Variants in TTC27 observed in about 807,000 individuals in gnomAD.
TTC27 encodes tetratricopeptide repeat domain 27.
In TTC27, 79 loss-of-function variants were observed where a neutral mutation model predicts 115.9. The ratio of observed to expected loss-of-function variants is 0.68; its 90% CI spans 0.57 to 0.82. TTC27 has a LOEUF of 0.82. Among genes scored for constraint, TTC27 ranks in the 40% least tolerant of loss-of-function variants. The pLI, the probability that TTC27 is intolerant of heterozygous loss-of-function variation, is 0.00. For missense variants in TTC27, 1,054 were observed against 993.1 expected (o/e 1.06, Z -0.82); for synonymous variants, 401 against 356.0 (o/e 1.13, Z -1.42).
intron 12 of TTC27, among the ~76,000 whole-genome samples, chr2:32,737,304 A>G (rs1006560390): frequency 1.3e-5 from 2 of 152,196 alleles, no homozygotes; most frequent in Non-Finnish European, 2.9e-5. Context: ...AAAATGTTGC[A>G]ATATTTGCAT....
At chr2:32,777,637 A>G (rs1366343063) in intron 13 of TTC27, among the ~76,000 whole-genome samples, 1 of 152,152 alleles carries the variant, frequency 6.6e-6, no homozygotes, top group East Asian at 1.9e-4. Context: ...CTAAGTATGG[A>G]CTTTTTCCGT....
chr2:32,640,121 T>C (rs1198288801), intron 3 of TTC27, 149 bp from the exon 4 acceptor site: 2 of 708,626 alleles, frequency 2.8e-6, no homozygotes, highest in Non-Finnish European at 4.5e-6. Flanking sequence ...TGCAGTGTTA[T>C]AATTCTGTCC....
intron 6 of TTC27, among the ~76,000 whole-genome samples, chr2:32,665,002 T>A (rs1273381694): frequency 2.0e-5 from 3 of 151,726 alleles, no homozygotes. Flanking sequence ...CTGGCTAATT[T>A]TTTTTATTTT....
At chr2:32,666,537 C>T in intron 6 of TTC27, 98 bp from the exon 7 acceptor site, 1 of 1,262,872 alleles carries the variant, frequency 7.9e-7, no homozygotes, top group South Asian at 2.1e-5. Context: ...GGAGAAAATA[C>T]CTTGTAAACT....
intron 9 of TTC27, among the ~76,000 whole-genome samples, chr2:32,701,253 CATGTATTCTTG>C (rs1338909092): frequency 6.6e-6 from 1 of 152,138 alleles, no homozygotes; most frequent in African/African-American, 2.4e-5. Flanking sequence ...CTCTCTTATT[CATGTATTCTTG>C]ATGTACTCCT....
At chr2:32,712,840 C>T (rs1667628608) in intron 10 of TTC27, among the ~76,000 whole-genome samples, 1 of 152,134 alleles carries the variant, frequency 6.6e-6, no homozygotes, top group Non-Finnish European at 1.5e-5. Flanking sequence ...AGACACTGCA[C>T]CCAGCCTTAA....
rs141749439 is a variant in TTC27, at chr2:32,811,177, G to A, written c.2152G>A (p.Val718Ile). ...DGEIWRLYAHVYGNGQSEKPD... is the reference protein window; with the variant it reads ...DGEIWRLYAHIYGNGQSEKPD... Reference sequence around the variant, plus strand: ...AGAAATCTGGAGGCTGTATGCCCACGTATATGGAAATGGGCAGAGTGAAAA... The same window carrying A: ...AGAAATCTGGAGGCTGTATGCCCACATATATGGAAATGGGCAGAGTGAAAA... The change falls in exon 17 of 20, where the codon GTA (valine) becomes ATA (isoleucine). Residue 718 changes from valine to isoleucine, a missense_variant. Physicochemically the swap from Val to Ile is conservative, Grantham distance 29. Coordinates refer to ENST00000317907, the MANE Select transcript of TTC27 (RefSeq NM_017735.5). The A allele has an allele frequency of 6.2e-6, 10 of 1,613,992 alleles. No individual in the cohort carries two copies. Among genetic ancestry groups the A allele is most frequent in the Admixed American group, 1.7e-5 (1 of 60,004 alleles).
intron 9 of TTC27, among the ~76,000 whole-genome samples, chr2:32,700,746 G>A (rs1309725680): frequency 6.6e-6 from 1 of 152,046 alleles, no homozygotes; most frequent in Admixed American, 6.6e-5. Flanking sequence ...CATCACGTTG[G>A]CCAGGTTGGT....
intron 3 of TTC27, among the ~76,000 whole-genome samples, chr2:32,636,620 C>G (rs924528266): frequency 1.3e-5 from 2 of 152,158 alleles, no homozygotes; most frequent in Non-Finnish European, 2.9e-5. Flanking sequence ...AGATCTGTAG[C>G]TGGGGCATTG....
intron 11 of TTC27, 125 bp from the exon 12 acceptor site, chr2:32,736,569 G>A (rs2151916567): frequency 2.9e-6 from 3 of 1,027,230 alleles, no homozygotes; most frequent in South Asian, 1.6e-5. Flanking sequence ...AGTACAGATT[G>A]TAGAATTTAT....
chr2:32,650,091 A>G (rs1327255040), intron 4 of TTC27, 40 bp from the exon 5 acceptor site: 2 of 1,512,782 alleles, frequency 1.3e-6, no homozygotes, highest in African/African-American at 2.8e-5. Context: ...AGTTTTCTAA[A>G]GTATCCTTTT....
chr2:32,682,100 G>T (rs957276934), intron 9 of TTC27, among the ~76,000 whole-genome samples: 2 of 150,998 alleles, frequency 1.3e-5, no homozygotes, highest in Non-Finnish European at 2.9e-5. Flanking sequence ...CTCTCTACAA[G>T]GGTTGTGACA....
intron 14 of TTC27, chr2:32,780,111 C>T (rs1670125873): frequency 2.1e-6 from 1 of 466,356 alleles, no homozygotes; most frequent in Non-Finnish European, 4.5e-6. Context: ...TTTGAAAATG[C>T]TGTGAGTACT....
At chr2:32,661,476 G>T (rs1282264506) in intron 5 of TTC27, among the ~76,000 whole-genome samples, 1 of 152,000 alleles carries the variant, frequency 6.6e-6, no homozygotes, top group Admixed American at 6.6e-5. Context: ...CCTTGAAGAG[G>T]TCCTTTACAT....
intron 10 of TTC27, among the ~76,000 whole-genome samples, chr2:32,720,984 T>C (rs1190193566): frequency 6.6e-6 from 1 of 152,180 alleles, no homozygotes; most frequent in Non-Finnish European, 1.5e-5. Flanking sequence ...GTAGAGAATC[T>C]CCAGCTGCCA....
At chr2:32,653,608 A>G (rs1364854689) in intron 5 of TTC27, among the ~76,000 whole-genome samples, 1 of 135,840 alleles carries the variant, frequency 7.4e-6, no homozygotes, top group Non-Finnish European at 1.7e-5. Context: ...AAAAAAAAAC[A>G]AAAAAAAAAC....
chr2:32,652,394 T>A (rs1572478502), intron 5 of TTC27, among the ~76,000 whole-genome samples: 1 of 151,532 alleles, frequency 6.6e-6, no homozygotes, highest in African/African-American at 2.4e-5. Flanking sequence ...AATAAATAAA[T>A]AAAAATAAAA....
Position 32,702,836 on chromosome 2 carries a change from C to G in TTC27, c.1149C>G (p.Ala383=). The G allele has an allele frequency of 6.2e-7, 1 of 1,613,950 alleles. No homozygotes were observed. The highest frequency in any genetic ancestry group is 8.5e-7 in the Non-Finnish European group (1 of 1,179,914). The part of the protein sequence containing the change: ...SCLLSQPKFW[A]IQTSALILRT... ...TGCTTTCACAACCAAAGTTCTGGGC[C>G]ATTCAGACATCAGCCTTGATCCTCC... Residue 383 remains alanine (A), a synonymous_variant, in exon 10 of 20, where the codon GCC becomes GCG. Coordinates refer to ENST00000317907, the MANE Select transcript of TTC27 (RefSeq NM_017735.5).
At chr2:32,684,510 T>C (rs1666563007) in intron 9 of TTC27, among the ~76,000 whole-genome samples, 1 of 152,178 alleles carries the variant, frequency 6.6e-6, no homozygotes, top group African/African-American at 2.4e-5. Context: ...TGACTCTGCC[T>C]GAAGCCCCTA....
Sources: allele counts gnomAD v4.1 joint callset (sites outside exome capture counted in the v4.1 genomes callset), GRCh38; gene constraint gnomAD v4.1.1; transcripts MANE v1.5; gene names NCBI Gene and HGNC (gene_info 2026-07-23, HGNC 2026-07-21).